ZNF721: variants seen among roughly 807,000 people sequenced by gnomAD.
ZNF721 encodes zinc finger protein 721.
ZNF721 carries 2 observed loss-of-function variants against 2.4 expected under a neutral mutation model. The ratio of observed to expected loss-of-function variants is 0.82; its 90% CI spans 0.34 to 2.58. ZNF721 has a LOEUF of 2.58. Ranked by LOEUF, ZNF721 falls within the 30% of genes most tolerant of loss-of-function variation. ZNF721 has a pLI of 0.11. For synonymous variants in ZNF721, 398 were observed against 381.8 expected (o/e 1.04, Z -0.50); for missense variants, 1,187 against 1,085.5 (o/e 1.09, Z -1.31).
Position 443,058 on chromosome 4 carries a change from T to C in ZNF721, c.1409A>G (p.Lys470Arg). 4 of 1,613,888 alleles carry C rather than the reference T, an allele frequency of 2.5e-6. No individual in the cohort carries two copies. In the Middle Eastern group the frequency reaches 5.0e-4, roughly 200 times the overall value. The part of the protein sequence containing the change: ...LNKHEKIHTG[K>R]KPYKCKQCGK... ...ACATTGCTTACATTTGTAGGGTTTC[T>C]TTCCAGTATGAATTTTCTCATGTTT... is the stretch of plus-strand genomic sequence containing the variant. The change falls in exon 3 of 3, where the codon AAG becomes AGG. Residue 470 changes from lysine to arginine, a missense_variant. By Grantham distance (26) the Lys-to-Arg change is conservative. Transcript: ENST00000511833.
intron 2 of ZNF721, among the ~76,000 whole-genome samples, chr4:465,851 G>T (rs1430728362): frequency 6.6e-6 from 1 of 151,130 alleles, no homozygotes; most frequent in Non-Finnish European, 1.5e-5. Context: ...TATAACAATA[G>T]AAACAAAACA....
At chr4:497,972 C>T (rs1405545376) in intron 1 of ZNF721, among the ~76,000 whole-genome samples, 1 of 142,142 alleles carries the variant, frequency 7.0e-6, no homozygotes, top group African/African-American at 2.6e-5. Flanking sequence ...TCTGGGAGGC[C>T]GAGGCGGGCG....
At chr4:467,286 G>A (rs1715284480) in intron 2 of ZNF721, among the ~76,000 whole-genome samples, 1 of 151,960 alleles carries the variant, frequency 6.6e-6, no homozygotes, top group African/African-American at 2.4e-5. Context: ...AAATTCTTTA[G>A]AATCAAATGA....
At chr4:451,858 TCTCTCC>T (rs1553864903) in intron 2 of ZNF721, among the ~76,000 whole-genome samples, 1 of 152,168 alleles carries the variant, frequency 6.6e-6, no homozygotes, top group East Asian at 1.9e-4. Context: ...CTCCCCTAGT[TCTCTCC>T]CTTGGCCATT....
intron 2 of ZNF721, among the ~76,000 whole-genome samples, chr4:450,474 T>G (rs1297522538): frequency 2.6e-5 from 4 of 152,190 alleles, no homozygotes; most frequent in Admixed American, 1.3e-4. Flanking sequence ...TATAAACATT[T>G]ATGATGAAGG....
Position 442,271 on chromosome 4 carries a change from T to A in ZNF721, c.2196A>T (p.Arg732Ser). 4.3e-6 allele frequency: 7 copies of A among 1,613,382 alleles called. No individual in the cohort carries two copies. The highest frequency in any genetic ancestry group is 5.9e-6 in the Non-Finnish European group (7 of 1,179,466). The part of the protein sequence containing the change: ...EKPYKCEDRG[R>S]SFGWSTNLNE... ...TCAGGTTTGTGGACCATCCAAAGGA[T>A]CTGCCACGATCTTCACATTTGTAGG... The change falls in exon 3 of 3, where the codon AGA (arginine) becomes AGT (serine). Residue 732 changes from arginine to serine, a missense_variant. Coordinates refer to ENST00000511833, the MANE Select transcript of ZNF721 (RefSeq NM_133474.4).
chr4:450,850 T>C (rs1214290644), intron 2 of ZNF721, among the ~76,000 whole-genome samples: 1 of 146,980 alleles, frequency 6.8e-6, no homozygotes, highest in African/African-American at 2.5e-5. Flanking sequence ...GGAAGGAGAA[T>C]GGCGTGAACC....
At chr4:455,506 G>A (rs1714818004) in intron 2 of ZNF721, among the ~76,000 whole-genome samples, 2 of 152,154 alleles carry the variant, frequency 1.3e-5, no homozygotes, top group South Asian at 4.1e-4. Context: ...GGCAGAGGTT[G>A]CAGTAAGCCG....
intron 1 of ZNF721, among the ~76,000 whole-genome samples, chr4:491,416 T>TCAAAA (rs1367850601): frequency 2.6e-5 from 4 of 152,212 alleles, no homozygotes; most frequent in Non-Finnish European, 4.4e-5. Context: ...AGACTCCATC[T>TCAAAA]CAAAACAAAA....
In ZNF721 at chr4:478,102, G is replaced by A. The variant is rs115990909; in HGVS notation, c.-93-5401C>T. On this transcript the variant is annotated intron_variant, in intron 1 of 2. Transcript: ENST00000511833. ...GAACTCTCAGGGCAGTTTTCAACTG[G>A]ACCAGCCGACTCCTCTTGTAGTGTA... Among the ~76,000 whole-genome samples, 508 of 152,256 alleles carry A rather than the reference G, an allele frequency of 3.3e-3. 4 individuals are homozygous for A. The highest frequency in any genetic ancestry group is 0.012 in the African/African-American group (494 of 41,546).
At chr4:479,896 C>A (rs1417055251) in intron 1 of ZNF721, among the ~76,000 whole-genome samples, 1 of 152,162 alleles carries the variant, frequency 6.6e-6, no homozygotes, top group Non-Finnish European at 1.5e-5. Flanking sequence ...TATGGGGATT[C>A]TTTTTCAGTA....
intron 1 of ZNF721, among the ~76,000 whole-genome samples, chr4:495,347 A>G (rs1459497839): frequency 6.6e-6 from 1 of 151,424 alleles, no homozygotes; most frequent in Non-Finnish European, 1.5e-5. Flanking sequence ...AAAAAAAAAA[A>G]AGACAAGGTC....
At chr4:495,954 C>T (rs1716141362) in intron 1 of ZNF721, among the ~76,000 whole-genome samples, 1 of 152,104 alleles carries the variant, frequency 6.6e-6, no homozygotes, top group Non-Finnish European at 1.5e-5. Flanking sequence ...CTTTTTAAAT[C>T]TCATTACCAT....
intron 2 of ZNF721, chr4:454,010 C>G (rs797041618): frequency 2.0e-5 from 3 of 151,760 alleles, no homozygotes; most frequent in Admixed American, 6.6e-5. Context: ...AATGGCTCCT[C>G]TAATGTTCCT....
At chr4:496,707 C>CTTTTTTTTTTTTTT (rs781947891) in intron 1 of ZNF721, among the ~76,000 whole-genome samples, 3 of 83,842 alleles carry the variant, frequency 3.6e-5, no homozygotes, top group African/African-American at 4.7e-5. Context: ...TACATGACTT[C>CTTTTTTTTTTTTTT]TTTTTTTTTT....
At chr4:473,999 G>T in intron 1 of ZNF721, 1 of 1,504,742 alleles carries the variant, frequency 6.6e-7, no homozygotes, top group Non-Finnish European at 9.0e-7. Context: ...AGCTTCAAGG[G>T]TGTCGCGAAG....
chr4:442,791 C>A lies in ZNF721; in HGVS notation c.1676G>T (p.Cys559Phe). Residue 559 changes from cysteine to phenylalanine, a missense_variant, in exon 3 of 3, where the codon TGT (cysteine) becomes TTT (phenylalanine). Physicochemically the swap from Cys to Phe is radical, Grantham distance 205. Transcript: ENST00000511833. ...RIHTGEKPYT[C>F]EECGKTFRQS... ...TCTAAAGGTTTTGCCACATTCTTCA[C>A]ATGTGTAGGGTTTCTCTCCAGTATG... 1 of 1,613,982 alleles carries A rather than the reference C, an allele frequency of 6.2e-7. No homozygotes were observed.
Position 442,141 on chromosome 4 carries a change from T to C in ZNF721, c.2326A>G (p.Thr776Ala). ...TTACATTTGTAGGGTTTCTTTCCAG[T>C]ATGAATTTTCTCATGTCTATTCAGG... Reference protein sequence around the residue: ...SHLNRHEKIHTGKKPYKCKEC... With the variant: ...SHLNRHEKIHAGKKPYKCKEC... Residue 776 changes from threonine (T) to alanine (A), a missense_variant, in exon 3 of 3, where the codon ACT (threonine) becomes GCT (alanine). Thr to Ala is a moderately conservative substitution (Grantham distance 58). Coordinates refer to ENST00000511833, the MANE Select transcript of ZNF721 (RefSeq NM_133474.4). 6.2e-7 allele frequency: 1 copy of C among 1,613,644 alleles called. No homozygotes were observed. The highest frequency in any genetic ancestry group is 1.1e-5 in the South Asian group (1 of 91,076).
intron 2 of ZNF721, among the ~76,000 whole-genome samples, chr4:450,997 C>G (rs1328580662): frequency 1.9e-5 from 2 of 103,970 alleles, no homozygotes; most frequent in Admixed American, 2.2e-4. Context: ...ATATATATAT[C>G]CCAAAAATAT....
Sources: gnomAD v4.1 joint callset for allele counts (sites outside exome capture counted in the v4.1 genomes callset) on GRCh38, gnomAD v4.1.1 for gene constraint, MANE v1.5 for transcripts, NCBI Gene and HGNC (gene_info 2026-07-23, HGNC 2026-07-21) for gene names.